The following KCNQ5 variants were observed in gnomAD, a reference collection of about 807,000 sequenced individuals.
The protein encoded by KCNQ5 is potassium voltage-gated channel subfamily KQT member 5.
Under a neutral mutation model 98.2 loss-of-function variants are expected in KCNQ5, and 30 were observed. That is an observed-to-expected ratio of 0.31 (90% confidence interval 0.23 to 0.41). KCNQ5 has a LOEUF of 0.41. KCNQ5 is among the 10% of genes least tolerant of loss of function. KCNQ5 has a pLI of 1.00. For synonymous variants in KCNQ5, 458 were observed against 449.4 expected (o/e 1.02, Z -0.24); for missense variants, 835 against 1,182.5 (o/e 0.71, Z 4.31).
chr6:72,684,129 A>G, intron 1 of KCNQ5, among the ~76,000 whole-genome samples: 1 of 152,216 alleles, frequency 6.6e-6, no homozygotes, highest in Non-Finnish European at 1.5e-5. Flanking sequence ...TAAAGCAAAA[A>G]CAAAAAGCCC....
At chr6:72,998,202 A>G (rs548716173) in intron 1 of KCNQ5, among the ~76,000 whole-genome samples, 2 of 152,302 alleles carry the variant, frequency 1.3e-5, no homozygotes, top group African/African-American at 4.8e-5. Context: ...GGGGTCAGCT[A>G]TAGTCTCTAA....
At chr6:72,706,429 G>A (rs1175887420) in intron 1 of KCNQ5, among the ~76,000 whole-genome samples, 1 of 151,872 alleles carries the variant, frequency 6.6e-6, no homozygotes, top group African/African-American at 2.4e-5. Flanking sequence ...TATTTCTTAT[G>A]TGAATAATAT....
intron 1 of KCNQ5, among the ~76,000 whole-genome samples, chr6:72,786,194 A>AT (rs1561982491): frequency 6.6e-6 from 1 of 152,180 alleles, no homozygotes; most frequent in Non-Finnish European, 1.5e-5. Flanking sequence ...GCACACCTCA[A>AT]TTTGAACCAA....
At chr6:72,664,971 C>A (rs940586889) in intron 1 of KCNQ5, among the ~76,000 whole-genome samples, 1 of 152,178 alleles carries the variant, frequency 6.6e-6, no homozygotes, top group African/African-American at 2.4e-5. Flanking sequence ...ATTTTATCAA[C>A]TACGTAGGCA....
Position 73,197,219 on chromosome 6 carries a change from T to G in KCNQ5, c.*1805T>G, listed in dbSNP as rs1490948461. 1 of 152,262 alleles carries G rather than the reference T, an allele frequency of 6.6e-6. No homozygotes were observed. The highest frequency in any genetic ancestry group is 2.4e-5 in the African/African-American group (1 of 41,438). The allele number at this position is 152,262 out of a possible 1,614,324, so 9.4% of individuals were successfully genotyped here. ...TATTCATTCCCTGCCAGTATTTTGC[T>G]TCTGAACTTCACCAGGCCTTAACCA... On this transcript the variant is annotated 3_prime_UTR_variant, in exon 14 of 14. Transcript: ENST00000370398.
At chr6:73,173,753 C>T (rs1355127185) in intron 11 of KCNQ5, among the ~76,000 whole-genome samples, 1 of 151,150 alleles carries the variant, frequency 6.6e-6, no homozygotes, top group African/African-American at 2.4e-5. Context: ...AATTCAAGAC[C>T]AGCCTGGGCA....
At chr6:73,193,019 ATTT>A (rs66904981) in intron 13 of KCNQ5, among the ~76,000 whole-genome samples, 3 of 127,916 alleles carry the variant, frequency 2.3e-5, no homozygotes, top group Admixed American at 8.1e-5. Flanking sequence ...TAGGTCATTA[ATTT>A]TTTTTTTTTT....
chr6:72,632,007 A>G (rs1410154938), intron 1 of KCNQ5, among the ~76,000 whole-genome samples: 1 of 152,224 alleles, frequency 6.6e-6, no homozygotes. Flanking sequence ...GTCCAAAGTC[A>G]GCTTCTGAGT....
At chr6:72,675,017 TAAGTTGC>T (rs1025768314) in intron 1 of KCNQ5, among the ~76,000 whole-genome samples, 1 of 152,244 alleles carries the variant, frequency 6.6e-6, no homozygotes, top group African/African-American at 2.4e-5. Flanking sequence ...AGTTATTTGC[TAAGTTGC>T]ACTTTAGATT....
intron 1 of KCNQ5, among the ~76,000 whole-genome samples, chr6:72,656,234 CAA>C (rs1766189083): frequency 6.6e-6 from 1 of 152,138 alleles, no homozygotes; most frequent in Non-Finnish European, 1.5e-5. Context: ...CAGGACCACA[CAA>C]AACAGTATGG....
At chr6:72,995,438 A>C (rs1475826165) in intron 1 of KCNQ5, among the ~76,000 whole-genome samples, 1 of 152,158 alleles carries the variant, frequency 6.6e-6, no homozygotes, top group African/African-American at 2.4e-5. Flanking sequence ...TCAAGAGTAA[A>C]AAAATTACAT....
intron 1 of KCNQ5, among the ~76,000 whole-genome samples, chr6:72,957,565 T>A (rs1767143187): frequency 1.3e-5 from 2 of 152,172 alleles, no homozygotes; most frequent in African/African-American, 4.8e-5. Flanking sequence ...TGATCATTTT[T>A]AAAATACGCC....
intron 3 of KCNQ5, among the ~76,000 whole-genome samples, chr6:73,043,572 T>C (rs1232962721): frequency 6.6e-6 from 1 of 152,214 alleles, no homozygotes; most frequent in Admixed American, 6.5e-5. Flanking sequence ...TGTAACCTGA[T>C]GTGAAACTAC....
intron 1 of KCNQ5, among the ~76,000 whole-genome samples, chr6:72,731,517 T>C (rs1480482283): frequency 6.6e-6 from 1 of 152,222 alleles, no homozygotes; most frequent in Non-Finnish European, 1.5e-5. Context: ...TCAGGCTTCT[T>C]TTTTTCCCTC....
chr6:72,701,255 T>G (rs1752267501), intron 1 of KCNQ5, among the ~76,000 whole-genome samples: 1 of 152,354 alleles, frequency 6.6e-6, no homozygotes, highest in South Asian at 2.1e-4. Flanking sequence ...CCAAATTGTT[T>G]TACTGTAGTT....
At chr6:72,651,381 TG>T (rs1328328217) in intron 1 of KCNQ5, among the ~76,000 whole-genome samples, 2 of 152,036 alleles carry the variant, frequency 1.3e-5, no homozygotes. Flanking sequence ...ACTCCTTCAG[TG>T]GAAAAAACAA....
intron 1 of KCNQ5, among the ~76,000 whole-genome samples, chr6:72,786,085 A>G (rs1243882371): frequency 6.6e-6 from 1 of 152,202 alleles, no homozygotes; most frequent in East Asian, 1.9e-4. Flanking sequence ...AAATATTACT[A>G]TTTTGACACA....
At chr6:72,789,923 C>G (rs542744387) in intron 1 of KCNQ5, among the ~76,000 whole-genome samples, 3 of 152,146 alleles carry the variant, frequency 2.0e-5, no homozygotes, top group Admixed American at 6.5e-5. Context: ...AATGCACTTA[C>G]GTTTCACAAA....
intron 1 of KCNQ5, among the ~76,000 whole-genome samples, chr6:72,925,043 T>C (rs1780569120): frequency 1.3e-5 from 2 of 152,222 alleles, no homozygotes; most frequent in Admixed American, 6.5e-5. Context: ...TAAAAATGTT[T>C]ATGTTTATTT....
Sources: allele counts gnomAD v4.1 joint callset (sites outside exome capture counted in the v4.1 genomes callset), GRCh38; gene constraint gnomAD v4.1.1; transcripts MANE v1.5; gene names NCBI Gene and HGNC (gene_info 2026-07-23, HGNC 2026-07-21).